LRBA: variants seen among roughly 807,000 people sequenced by gnomAD.
LRBA encodes LPS responsive beige-like anchor protein.
A neutral mutation model predicts 330.0 loss-of-function variants in LRBA; 176 were observed. The observed-to-expected ratio is 0.53, with a 90% CI of 0.47 to 0.60. The LOEUF (loss-of-function observed/expected upper bound fraction) is 0.60. Among genes scored for constraint, LRBA ranks in the 20% least tolerant of loss-of-function variants. The pLI, the probability that LRBA is intolerant of heterozygous loss-of-function variation, is 0.00. For missense variants in LRBA, 3,259 were observed against 3,444.8 expected (o/e 0.95, Z 1.35); for synonymous variants, 1,230 against 1,193.0 (o/e 1.03, Z -0.64).
chr4:150,611,869 G>A (rs1775299005), intron 37 of LRBA, among the ~76,000 whole-genome samples: 1 of 152,074 alleles, frequency 6.6e-6, no homozygotes, highest in African/African-American at 2.4e-5. Context: ...CACTGCTTTG[G>A]CATACAGAAC....
intron 2 of LRBA, among the ~76,000 whole-genome samples, chr4:150,990,352 G>A (rs1161605090): frequency 6.6e-6 from 1 of 152,128 alleles, no homozygotes; most frequent in Non-Finnish European, 1.5e-5. Flanking sequence ...TCATCCAGAA[G>A]AATTTAGCAT....
At chr4:150,915,487 T>C in intron 8 of LRBA, 121 bp downstream of exon 8, 1 of 806,416 alleles carries the variant, frequency 1.2e-6, no homozygotes, top group Admixed American at 3.2e-5. Flanking sequence ...AAATTATGTT[T>C]ATAAAAATCT....
intron 22 of LRBA, among the ~76,000 whole-genome samples, chr4:150,855,698 C>G (rs984992264): frequency 1.3e-5 from 2 of 152,102 alleles, no homozygotes; most frequent in Non-Finnish European, 2.9e-5. Flanking sequence ...CCTGGTATTT[C>G]TATCGTTCAC....
At chr4:150,366,770 G>C (rs939410843) in intron 47 of LRBA, among the ~76,000 whole-genome samples, 4 of 152,158 alleles carry the variant, frequency 2.6e-5, no homozygotes, top group African/African-American at 9.7e-5. Flanking sequence ...ACTCTGATGT[G>C]AAACCACCTG....
At chr4:150,836,323 G>T (rs1411404435) in intron 28 of LRBA, among the ~76,000 whole-genome samples, 1 of 152,188 alleles carries the variant, frequency 6.6e-6, no homozygotes, top group Non-Finnish European at 1.5e-5. Flanking sequence ...CATAAAATGA[G>T]TTAGGGAGGA....
chr4:150,777,995 A>C (rs1010766049), intron 34 of LRBA, among the ~76,000 whole-genome samples: 3 of 151,368 alleles, frequency 2.0e-5, no homozygotes, highest in African/African-American at 7.3e-5. Flanking sequence ...AAAAAAAAAA[A>C]AAAACTAGGC....
intron 56 of LRBA, among the ~76,000 whole-genome samples, chr4:150,266,882 A>G (rs190210760): frequency 6.6e-6 from 1 of 152,332 alleles, no homozygotes; most frequent in Admixed American, 6.5e-5. Context: ...TATTCCGTGT[A>G]AGTACTAGCA....
chr4:150,844,824 T>C, intron 26 of LRBA, 45 bp from the exon 27 acceptor site: 2 of 1,522,596 alleles, frequency 1.3e-6, no homozygotes, highest in Non-Finnish European at 1.8e-6. Flanking sequence ...AAAGTTAATA[T>C]TTAAGATTAT....
chr4:150,905,784 C>G, intron 13 of LRBA, 54 bp downstream of exon 13: 3 of 1,446,370 alleles, frequency 2.1e-6, no homozygotes, highest in Admixed American at 3.9e-5. Context: ...ACTCTCCTCA[C>G]GCACAAAAAC....
At chr4:150,737,541 A>AAGAAG (rs1731360415) in intron 35 of LRBA, among the ~76,000 whole-genome samples, 1 of 151,626 alleles carries the variant, frequency 6.6e-6, no homozygotes, top group Non-Finnish European at 1.5e-5. Flanking sequence ...AAGAAAAGAA[A>AAGAAG]GACGAAAGAA....
At chr4:150,667,036 CG>C (rs1419312480) in intron 37 of LRBA, among the ~76,000 whole-genome samples, 33 of 152,120 alleles carry the variant, frequency 2.2e-4, no homozygotes, top group Non-Finnish European at 1.2e-4. Context: ...GCCAGTGTCA[CG>C]TATCTGTTAA....
intron 40 of LRBA, among the ~76,000 whole-genome samples, chr4:150,513,514 C>T (rs1182082307): frequency 6.6e-6 from 1 of 152,208 alleles, no homozygotes; most frequent in Non-Finnish European, 1.5e-5. Context: ...CAGCACCCAC[C>T]TGGGTCTGTT....
intron 36 of LRBA, among the ~76,000 whole-genome samples, chr4:150,708,344 T>C (rs1000054915): frequency 6.6e-6 from 1 of 151,880 alleles, no homozygotes; most frequent in African/African-American, 2.4e-5. Flanking sequence ...CCTGTGGATA[T>C]GAACTCTGAC....
intron 56 of LRBA, among the ~76,000 whole-genome samples, chr4:150,269,145 C>T (rs1321514869): frequency 6.6e-6 from 1 of 152,206 alleles, no homozygotes; most frequent in Non-Finnish European, 1.5e-5. Flanking sequence ...CATGCCATTG[C>T]ACTCCAGCCT....
chr4:150,496,892 C>G (rs1004376943), intron 40 of LRBA, among the ~76,000 whole-genome samples: 1 of 151,988 alleles, frequency 6.6e-6, no homozygotes, highest in Non-Finnish European at 1.5e-5. Context: ...ACTAATCATA[C>G]CATTCATTAA....
intron 9 of LRBA, among the ~76,000 whole-genome samples, chr4:150,910,289 A>G (rs1731836539): frequency 6.6e-6 from 1 of 152,178 alleles, no homozygotes; most frequent in Non-Finnish European, 1.5e-5. Context: ...ATAGTTTTAC[A>G]TCTTACTTTT....
chr4:150,647,340 T>A (rs984393851), intron 37 of LRBA, among the ~76,000 whole-genome samples: 1 of 144,900 alleles, frequency 6.9e-6, no homozygotes, highest in African/African-American at 2.5e-5. Flanking sequence ...AAAAGTAAAA[T>A]GATTACTTTT....
At chr4:150,770,954 A>T (rs959215856) in intron 34 of LRBA, among the ~76,000 whole-genome samples, 12 of 152,248 alleles carry the variant, frequency 7.9e-5, no homozygotes, top group African/African-American at 2.9e-4. Flanking sequence ...GTATAGTTCA[A>T]TTTCCCCACA....
intron 4 of LRBA, among the ~76,000 whole-genome samples, chr4:150,927,769 A>G (rs1284919440): frequency 6.6e-6 from 1 of 152,228 alleles, no homozygotes; most frequent in Non-Finnish European, 1.5e-5. Flanking sequence ...AGTAAAAAAA[A>G]CTAAAATTAG....
Sources: gnomAD v4.1 joint callset for allele counts (sites outside exome capture counted in the v4.1 genomes callset) on GRCh38, gnomAD v4.1.1 for gene constraint, MANE v1.5 for transcripts, NCBI Gene and HGNC (gene_info 2026-07-23, HGNC 2026-07-21) for gene names.